The following DIAPH2 variants were observed in gnomAD, a reference collection of about 807,000 sequenced individuals.
DIAPH2 encodes diaphanous related formin 2, also known as protein diaphanous homolog 2.
In DIAPH2, 35 loss-of-function variants were observed where a neutral mutation model predicts 92.7. The observed-to-expected ratio is 0.38, with a 90% CI of 0.29 to 0.50. The LOEUF is 0.50. DIAPH2 is among the 20% of genes least tolerant of loss of function. DIAPH2 has a pLI of 0.94. For synonymous variants in DIAPH2, 301 were observed against 280.4 expected (o/e 1.07, Z -0.73); for missense variants, 701 against 819.5 (o/e 0.86, Z 1.77).
intron 23 of DIAPH2, among the ~76,000 whole-genome samples, chrX:97,346,304 C>G (rs1227418558): frequency 9.0e-6 from 1 of 110,886 alleles, no homozygotes; most frequent in Non-Finnish European, 1.9e-5. Flanking sequence ...TCTAAAGCTA[C>G]AGAAAATTCT....
At chrX:97,246,335 A>G (rs1386219347) in intron 22 of DIAPH2, among the ~76,000 whole-genome samples, 1 of 112,156 alleles carries the variant, frequency 8.9e-6, no homozygotes, top group East Asian at 2.8e-4. Flanking sequence ...TTTCTTCCAT[A>G]GCAAACTCAT....
At chrX:96,915,084 T>A (rs5921878) in intron 7 of DIAPH2, among the ~76,000 whole-genome samples, 4,325 of 111,399 alleles carry the variant, frequency 0.039, 104 homozygotes, top group Middle Eastern at 0.083. Flanking sequence ...GTTTCTTAAC[T>A]TCCAGTACTA....
chrX:96,920,963 T>C (rs1027990142), intron 9 of DIAPH2, among the ~76,000 whole-genome samples: 5 of 112,041 alleles, frequency 4.5e-5, no homozygotes, highest in African/African-American at 1.3e-4. Flanking sequence ...AATGAAAAGA[T>C]GTCCTCTAAA....
At chrX:96,824,525 A>G (rs1300373880) in intron 4 of DIAPH2, among the ~76,000 whole-genome samples, 1 of 111,051 alleles carries the variant, frequency 9.0e-6, no homozygotes, top group Non-Finnish European at 1.9e-5. Context: ...TGTCAGCTTT[A>G]GATAATATAT....
chrX:97,312,748 T>A (rs756500505), intron 23 of DIAPH2, among the ~76,000 whole-genome samples: 1 of 110,032 alleles, frequency 9.1e-6, no homozygotes, highest in African/African-American at 3.3e-5. Flanking sequence ...ATGAGAGGAG[T>A]GAAGGAAAAT....
intron 23 of DIAPH2, among the ~76,000 whole-genome samples, chrX:97,265,413 A>G (rs2068328175): frequency 9.0e-6 from 1 of 111,725 alleles, no homozygotes; most frequent in Non-Finnish European, 1.9e-5. Flanking sequence ...TGGAGCTAAA[A>G]TTTACTTGGG....
chrX:97,438,355 G>GTTTTTTTTTTTT (rs1275825737), intron 26 of DIAPH2, among the ~76,000 whole-genome samples: 4 of 41,836 alleles, frequency 9.6e-5, no homozygotes, highest in South Asian at 1.5e-3. Context: ...TTTTTTGTTT[G>GTTTTTTTTTTTT]TTTGTTTTTT....
intron 20 of DIAPH2, among the ~76,000 whole-genome samples, chrX:97,113,408 T>C (rs1182923438): frequency 8.9e-6 from 1 of 111,759 alleles, no homozygotes; most frequent in Non-Finnish European, 1.9e-5. Flanking sequence ...CAGTACAATT[T>C]GTATAATAAT....
At chrX:96,842,534 CTT>C (rs2064943627) in intron 4 of DIAPH2, among the ~76,000 whole-genome samples, 1 of 112,315 alleles carries the variant, frequency 8.9e-6, no homozygotes, top group African/African-American at 3.2e-5. Flanking sequence ...GGAATCCTAA[CTT>C]AGCATTTCCA....
At chrX:97,353,380 A>G (rs896694539) in intron 24 of DIAPH2, among the ~76,000 whole-genome samples, 5 of 111,267 alleles carry the variant, frequency 4.5e-5, no homozygotes, top group African/African-American at 1.6e-4. Context: ...GAAAGTGTTC[A>G]CGGCAAGTAT....
At chrX:97,481,931 A>G (rs1369409797) in intron 26 of DIAPH2, among the ~76,000 whole-genome samples, 2 of 112,174 alleles carry the variant, frequency 1.8e-5, no homozygotes, top group Non-Finnish European at 3.8e-5. Flanking sequence ...ATTTCTGGTT[A>G]ACAGTGGTTG....
chrX:97,177,391 T>C (rs1387224861), intron 22 of DIAPH2, among the ~76,000 whole-genome samples: 2 of 111,825 alleles, frequency 1.8e-5, no homozygotes, highest in Non-Finnish European at 3.8e-5. Context: ...CCTTCCAGTG[T>C]TCTGTCCACT....
chrX:97,141,820 A>G (rs759072412), intron 22 of DIAPH2, 26 bp downstream of exon 22: 15 of 1,181,320 alleles, frequency 1.3e-5, no homozygotes, highest in Non-Finnish European at 1.5e-5. Context: ...CTACTTTGAG[A>G]TTATCTCTTG....
intron 17 of DIAPH2, among the ~76,000 whole-genome samples, chrX:97,057,287 C>G (rs1379415662): frequency 1.8e-5 from 2 of 111,855 alleles, no homozygotes; most frequent in Non-Finnish European, 3.8e-5. Context: ...AATTCTTTCA[C>G]TTCATAGGGT....
intron 26 of DIAPH2, among the ~76,000 whole-genome samples, chrX:97,506,431 G>A (rs761717722): frequency 1.1e-4 from 11 of 100,254 alleles, no homozygotes; most frequent in Non-Finnish European, 2.0e-4. Flanking sequence ...GATTAGAGGC[G>A]TCAGCCACCA....
chrX:96,846,020 G>A (rs1325456651), intron 4 of DIAPH2, among the ~76,000 whole-genome samples: 2 of 110,103 alleles, frequency 1.8e-5, no homozygotes, highest in Non-Finnish European at 3.8e-5. Flanking sequence ...GGCTGGTCTC[G>A]AACTCCTGAC....
intron 23 of DIAPH2, among the ~76,000 whole-genome samples, chrX:97,318,238 A>G (rs374026235): frequency 1.1e-3 from 126 of 110,349 alleles, no homozygotes; most frequent in African/African-American, 3.8e-3. Flanking sequence ...TCCCAGGTTC[A>G]AGCGATTCTC....
intron 23 of DIAPH2, among the ~76,000 whole-genome samples, chrX:97,327,465 C>T (rs1485966148): frequency 9.0e-6 from 1 of 111,399 alleles, no homozygotes; most frequent in Admixed American, 9.6e-5. Context: ...GACAGTCTCG[C>T]TCTGTCGCCC....
intron 26 of DIAPH2, among the ~76,000 whole-genome samples, chrX:97,504,632 C>G: frequency 8.9e-6 from 1 of 111,907 alleles, no homozygotes; most frequent in Non-Finnish European, 1.9e-5. Context: ...ACTGGAGCTG[C>G]CTTTGTGAAG....
Sources: gnomAD v4.1 joint callset for allele counts (sites outside exome capture counted in the v4.1 genomes callset) on GRCh38, gnomAD v4.1.1 for gene constraint, MANE v1.5 for transcripts, NCBI Gene and HGNC (gene_info 2026-07-23, HGNC 2026-07-21) for gene names.